The following MTCL2 variants were observed in gnomAD, a reference collection of about 807,000 sequenced individuals.
The protein encoded by MTCL2 is microtubule cross-linking factor 2.
chr20:36,820,803 C>T, the MTCL2 span, among the ~76,000 whole-genome samples: 1 of 151,922 alleles, frequency 6.6e-6, no homozygotes, highest in African/African-American at 2.4e-5. Context: ...GATCACACCA[C>T]TGCACTCCAG....
chr20:36,859,265 C>T, the MTCL2 span, among the ~76,000 whole-genome samples: 3 of 152,228 alleles, frequency 2.0e-5, no homozygotes, highest in South Asian at 2.1e-4. Context: ...CCACATGGTA[C>T]GTGCTTAATG....
At chr20:36,812,736 G>T in the MTCL2 span, 2 of 1,613,952 alleles carry the variant, frequency 1.2e-6, no homozygotes, top group Admixed American at 3.3e-5. Context: ...TCTTCAGCTC[G>T]GTAAGGCCTG....
chr20:36,800,670 T>C, the MTCL2 span, among the ~76,000 whole-genome samples: 2 of 152,282 alleles, frequency 1.3e-5, no homozygotes, highest in East Asian at 3.9e-4. Context: ...AAGAGAACAT[T>C]AGGAAGAGGA....
chr20:36,815,965 C>T, the MTCL2 span: 1 of 1,613,408 alleles, frequency 6.2e-7, no homozygotes. The surrounding 1 kb of genome is among the most constrained non-coding windows in gnomAD (Gnocchi z 5.3). Flanking sequence ...GCCAGGCGTG[C>T]CTCAGGACCC....
the MTCL2 span, chr20:36,783,808 C>A: frequency 7.1e-6 from 7 of 985,316 alleles, no homozygotes; most frequent in Non-Finnish European, 8.4e-6. Flanking sequence ...TTTTTACAAA[C>A]CAATCCCCCC....
the MTCL2 span, among the ~76,000 whole-genome samples, chr20:36,841,857 T>G: frequency 1.6e-5 from 2 of 122,416 alleles, no homozygotes; most frequent in African/African-American, 6.6e-5. Context: ...CAACCCCACA[T>G]CGGGGGTGGG....
the MTCL2 span, chr20:36,786,465 C>G: frequency 6.6e-7 from 1 of 1,515,736 alleles, no homozygotes. Flanking sequence ...CTGGTTGAGG[C>G]GGGGAGCTTG....
the MTCL2 span, among the ~76,000 whole-genome samples, chr20:36,795,775 C>G: frequency 2.9e-5 from 4 of 139,930 alleles, no homozygotes; most frequent in Non-Finnish European, 6.2e-5. Context: ...AACTCTGCCT[C>G]AAAAAAAAAA....
chr20:36,851,559 G>A, the MTCL2 span, among the ~76,000 whole-genome samples: 1 of 152,122 alleles, frequency 6.6e-6, no homozygotes, highest in Non-Finnish European at 1.5e-5. Flanking sequence ...GGATTTCCCT[G>A]CCCCCCATCT....
the MTCL2 span, among the ~76,000 whole-genome samples, chr20:36,852,039 A>G: frequency 2.0e-5 from 3 of 151,946 alleles, no homozygotes; most frequent in Non-Finnish European, 4.4e-5. Context: ...CAGATTCCAA[A>G]CCTTACCCAA....
chr20:36,783,289 C>T, the MTCL2 span: 4 of 152,180 alleles, frequency 2.6e-5, no homozygotes, highest in Non-Finnish European at 5.9e-5. Context: ...ATTCTGATGT[C>T]TCGTGTGTGC....
the MTCL2 span, among the ~76,000 whole-genome samples, chr20:36,787,302 A>C: frequency 2.2e-4 from 33 of 152,002 alleles, no homozygotes; most frequent in African/African-American, 7.5e-4. Flanking sequence ...ATCTTGACTC[A>C]CTACAACCTC....
At chr20:36,863,092 C>A in the MTCL2 span, 3 of 1,400,334 alleles carry the variant, frequency 2.1e-6, no homozygotes, top group African/African-American at 4.5e-5. This position sits in a 1 kb window ranked among gnomAD's most constrained non-coding sequence, Gnocchi z 6.2. Context: ...ACCCGCACAC[C>A]CGCACCGCGC....
chr20:36,810,780 C>T, the MTCL2 span, among the ~76,000 whole-genome samples: 8 of 140,716 alleles, frequency 5.7e-5, no homozygotes, highest in East Asian at 2.2e-4. Context: ...CAGCTTTGAG[C>T]GTGATCTTGG....
the MTCL2 span, among the ~76,000 whole-genome samples, chr20:36,842,355 A>G: frequency 6.6e-6 from 1 of 152,246 alleles, no homozygotes; most frequent in Non-Finnish European, 1.5e-5. Flanking sequence ...GGAGGGAAGT[A>G]GAATTACGCA....
At chr20:36,784,909 CTG>C in the MTCL2 span, 1 of 985,410 alleles carries the variant, frequency 1.0e-6, no homozygotes, top group Non-Finnish European at 1.2e-6. Context: ...TCCTGTTTTC[CTG>C]TGAGTTCTCA....
At chr20:36,806,302 C>A in the MTCL2 span, among the ~76,000 whole-genome samples, 1 of 152,070 alleles carries the variant, frequency 6.6e-6, no homozygotes, top group Admixed American at 6.6e-5. Flanking sequence ...CCAGGGCCAG[C>A]CAAGGAGATC....
chr20:36,862,715 C>A, the MTCL2 span: 1 of 1,500,536 alleles, frequency 6.7e-7, no homozygotes, highest in South Asian at 1.3e-5. Context: ...AGCCGCTGGG[C>A]CCGCAGTCCA....
At chr20:36,854,263 G>A in the MTCL2 span, among the ~76,000 whole-genome samples, 1 of 152,184 alleles carries the variant, frequency 6.6e-6, no homozygotes, top group East Asian at 1.9e-4. Flanking sequence ...AATTACCCTG[G>A]AAGGTCCCTG....
Sources: allele counts gnomAD v4.1 joint callset (sites outside exome capture counted in the v4.1 genomes callset), GRCh38; gene constraint gnomAD v4.1.1; non-coding constraint Gnocchi (gnomAD v3.1); transcripts MANE v1.5; gene names NCBI Gene and HGNC (gene_info 2026-07-23, HGNC 2026-07-21).